Variants in ANKHD1 observed in about 807,000 individuals in gnomAD.
ANKHD1 encodes ankyrin repeat and KH domain containing 1.
In ANKHD1, 31 loss-of-function variants were observed where a neutral mutation model predicts 230.5. That is an observed-to-expected ratio of 0.13 (90% CI 0.10 to 0.18). The LOEUF is 0.18. ANKHD1 is among the 10% of genes least tolerant of loss of function. The pLI, the probability that ANKHD1 is intolerant of heterozygous loss-of-function variation, is 1.00. For synonymous variants in ANKHD1, 1,074 were observed against 1,117.6 expected (o/e 0.96, Z 0.78); for missense variants, 2,256 against 3,071.3 (o/e 0.73, Z 6.27).
At position 140,528,726 on chromosome 5, in the gene ANKHD1, G is replaced by A. The variant is rs778417301; in HGVS notation, c.5780G>A (p.Gly1927Glu). Reference sequence around the variant, plus strand: ...ACTGTTTTACCCTCAGAGTCTGCTGGACTAGCTACTGCCAGTTGTCCTATC... The same window carrying A: ...ACTGTTTTACCCTCAGAGTCTGCTGAACTAGCTACTGCCAGTTGTCCTATC... ...NGTVLPSESA[G>E]LATASCPITV... is the part of the protein sequence containing the mutation. The change falls in exon 29 of 34, where the codon GGA (glycine) becomes GAA (glutamate). Residue 1927 changes from glycine (G) to glutamate (E), a missense_variant. Physicochemically the swap from Gly to Glu is moderately conservative, Grantham distance 98. This residue lies in a region of ANKHD1 where 778 missense variants were observed against 966.5 expected (regional missense o/e 0.80). Transcript: ENST00000360839. 1 of 1,614,118 alleles carries A rather than the reference G, an allele frequency of 6.2e-7. No homozygotes were observed. Among genetic ancestry groups the A allele is most frequent in the East Asian group, 2.2e-5 (1 of 44,884 alleles).
intron 15 of ANKHD1, among the ~76,000 whole-genome samples, chr5:140,500,862 T>G (rs1752269273): frequency 6.6e-6 from 1 of 151,910 alleles, no homozygotes; most frequent in African/African-American, 2.4e-5. Flanking sequence ...TATTTTTATA[T>G]TAAGATTTGA....
chr5:140,508,034 A>G, intron 20 of ANKHD1, 36 bp downstream of exon 20: 1 of 1,583,366 alleles, frequency 6.3e-7, no homozygotes, highest in South Asian at 1.2e-5. Flanking sequence ...TTTCAGATAC[A>G]TTTCTGTAGA....
intron 5 of ANKHD1, 44 bp downstream of exon 5, chr5:140,441,186 AATT>A: frequency 1.4e-6 from 2 of 1,473,320 alleles, no homozygotes; most frequent in Non-Finnish European, 1.8e-6. Flanking sequence ...AAATTGACAT[AATT>A]ATTACCTGAG....
chr5:140,502,813 A>G lies in ANKHD1; in HGVS notation c.3005-2008A>G, dbSNP rs913368241. Among the ~76,000 whole-genome samples, 7 of 152,290 alleles carry G rather than the reference A, an allele frequency of 4.6e-5. No individual in the cohort carries two copies. The East Asian group carries it at 1.3e-3, about 29-fold the overall frequency. On this transcript the variant is annotated intron_variant, in intron 15 of 33. Transcript: ENST00000360839. ...CTTCTTCCAGGAAAAAAATGACAAA[A>G]AATTTTAAGGCTTTGTTTCCATTTT...
chr5:140,453,822 C>T (rs1382136932), intron 7 of ANKHD1, among the ~76,000 whole-genome samples: 1 of 152,164 alleles, frequency 6.6e-6, no homozygotes, highest in African/African-American at 2.4e-5. Flanking sequence ...GCAAAATAAC[C>T]AGCTAACGTC....
chr5:140,496,443 C>CT (rs368980981), intron 14 of ANKHD1, 77 bp from the exon 15 acceptor site: 186,670 of 689,852 alleles, frequency 0.27, 4,552 homozygotes, highest in Non-Finnish European at 0.29. Flanking sequence ...GGCTGGTTTT[C>CT]TTTTTTTTTT....
Position 140,459,299 on chromosome 5 carries a change from T to C in ANKHD1, c.1616T>C (p.Leu539Pro). 1 of 1,592,062 alleles carries C rather than the reference T, an allele frequency of 6.3e-7. No homozygotes were observed. The highest frequency in any genetic ancestry group is 8.6e-7 in the Non-Finnish European group (1 of 1,164,978). The change falls in exon 9 of 34, where the codon CTG becomes CCG. Residue 539 changes from leucine (L) to proline (P), a missense_variant. Around this residue, in one of 13 missense-constraint regions of ANKHD1, gnomAD observed 179 missense variants for 261.8 expected, o/e 0.68. Coordinates refer to ENST00000360839, the MANE Select transcript of ANKHD1 (RefSeq NM_017747.3). ...ADIELGCSTP[L>P]MEASQEGHLE... Reference sequence around the variant, plus strand: ...ATAGAACTTGGCTGCTCCACACCTCTGATGGAGGCATCTCAGGAGGGACAC... The same window carrying C: ...ATAGAACTTGGCTGCTCCACACCTCCGATGGAGGCATCTCAGGAGGGACAC...
chr5:140,452,082 G>A (rs6889444), intron 7 of ANKHD1, among the ~76,000 whole-genome samples: 10 of 152,114 alleles, frequency 6.6e-5, no homozygotes, highest in South Asian at 4.1e-4. Context: ...TATCCCGCGC[G>A]TGGCTCAAAG....
intron 1 of ANKHD1, among the ~76,000 whole-genome samples, chr5:140,430,483 T>C (rs539350801): frequency 1.3e-5 from 2 of 152,306 alleles, no homozygotes; most frequent in East Asian, 3.9e-4. Context: ...TATATTCATT[T>C]GCTTGATGAA....
chr5:140,426,559 C>T lies in ANKHD1; in HGVS notation c.307-9545C>T, dbSNP rs1028627675. On this transcript the variant is annotated intron_variant, in intron 1 of 33. Coordinates refer to ENST00000360839, the MANE Select transcript of ANKHD1 (RefSeq NM_017747.3). ...TTATTGATCATTCTTGGGTGTTTCT[C>T]GCAGAGGGGGATTTGGCAGGGTCAC... Among the ~76,000 whole-genome samples the T allele has an allele frequency of 3.3e-5, 5 of 151,556 alleles. No individual in the cohort carries two copies. The South Asian group carries it at 8.3e-4, about 25-fold the overall frequency.
At chr5:140,486,332 T>C (rs1463358166) in intron 13 of ANKHD1, among the ~76,000 whole-genome samples, 2 of 152,216 alleles carry the variant, frequency 1.3e-5, no homozygotes, top group African/African-American at 4.8e-5. Context: ...CCCAAAGTGC[T>C]GGAATTACAG....
At position 140,539,449 on chromosome 5, in the gene ANKHD1, T is replaced by A. The variant is rs753858094; in HGVS notation, c.*31T>A. 3.2e-5 allele frequency: 51 copies of A among 1,603,940 alleles called. No individual in the cohort carries two copies. Among genetic ancestry groups the A allele is most frequent in the Non-Finnish European group, 4.2e-5 (49 of 1,175,224 alleles). On this transcript the variant is annotated 3_prime_UTR_variant, in exon 34 of 34. Transcript: ENST00000360839. Reference sequence around the variant, plus strand: ...AAGGTCTTTACTCTTTAGCCTTGTTTAAGAAACCTATGACCTTGGAAGAAC... The same window carrying A: ...AAGGTCTTTACTCTTTAGCCTTGTTAAAGAAACCTATGACCTTGGAAGAAC...
At chr5:140,491,135 T>TAC (rs759585504) in intron 14 of ANKHD1, among the ~76,000 whole-genome samples, 7,831 of 74,538 alleles carry the variant, frequency 0.11, 585 homozygotes, top group East Asian at 0.15. Flanking sequence ...TATATATATA[T>TAC]ACACATATAT....
intron 10 of ANKHD1, among the ~76,000 whole-genome samples, chr5:140,474,376 A>G (rs1219158126): frequency 6.6e-6 from 1 of 152,166 alleles, no homozygotes; most frequent in Non-Finnish European, 1.5e-5. Flanking sequence ...TCCTTAGAGA[A>G]TGTCCTCCCT....
intron 15 of ANKHD1, among the ~76,000 whole-genome samples, chr5:140,499,578 G>A (rs1014210865): frequency 6.6e-6 from 1 of 152,002 alleles, no homozygotes; most frequent in Non-Finnish European, 1.5e-5. Context: ...GTGATAATAA[G>A]TTGTTTATAT....
intron 14 of ANKHD1, 64 bp from the exon 15 acceptor site, chr5:140,496,456 C>CT (rs1752044953): frequency 1.4e-5 from 12 of 875,800 alleles, no homozygotes; most frequent in East Asian, 4.9e-5. Context: ...TTTTTTTTTT[C>CT]TTTTCTTTTT....
At chr5:140,428,519 G>A (rs1233926686) in intron 1 of ANKHD1, among the ~76,000 whole-genome samples, 5 of 152,212 alleles carry the variant, frequency 3.3e-5, no homozygotes, top group Admixed American at 6.5e-5. Flanking sequence ...GCCTGCAATC[G>A]CAGGCACTCG....
chr5:140,445,536 T>C (rs1056334987), intron 5 of ANKHD1, among the ~76,000 whole-genome samples: 1 of 148,646 alleles, frequency 6.7e-6, no homozygotes, highest in African/African-American at 2.4e-5. Context: ...AGGTGATGCT[T>C]CTAACCAATG....
chr5:140,455,125 A>C (rs1775067803), intron 7 of ANKHD1, among the ~76,000 whole-genome samples: 1 of 152,246 alleles, frequency 6.6e-6, no homozygotes, highest in African/African-American at 2.4e-5. Context: ...AGAAATTGAT[A>C]AATTCCTGGA....
Sources: allele counts gnomAD v4.1 joint callset (sites outside exome capture counted in the v4.1 genomes callset), GRCh38; gene constraint gnomAD v4.1.1; regional missense constraint gnomAD v4.1.1; transcripts MANE v1.5; gene names NCBI Gene and HGNC (gene_info 2026-07-23, HGNC 2026-07-21).